MSRA: variants seen among roughly 807,000 people sequenced by gnomAD.
MSRA encodes the protein mitochondrial peptide methionine sulfoxide reductase.
Under a neutral mutation model 31.3 loss-of-function variants are expected in MSRA, and 54 were observed. That is an observed-to-expected ratio of 1.73 (90% CI 1.39 to 2.17). MSRA has a LOEUF of 2.17. Among genes scored for constraint, MSRA ranks in the 30% most tolerant of loss-of-function variants. The probability of loss-of-function intolerance (pLI) is 0.00; values close to 1 mark genes in which losing one functional copy is unlikely to be tolerated. For synonymous variants in MSRA, 169 were observed against 116.5 expected (o/e 1.45, Z -2.90); for missense variants, 507 against 300.9 (o/e 1.69, Z -5.07).
chr8:10,348,749 G>GT (rs1161867234), intron 5 of MSRA, among the ~76,000 whole-genome samples: 1 of 152,180 alleles, frequency 6.6e-6, no homozygotes, highest in East Asian at 1.9e-4. Flanking sequence ...AAACTCGGCA[G>GT]TTACACGTCA....
intron 1 of MSRA, among the ~76,000 whole-genome samples, chr8:10,106,944 C>T (rs1013299154): frequency 3.3e-5 from 5 of 152,072 alleles, no homozygotes; most frequent in South Asian, 2.1e-4. Flanking sequence ...TCCACCTTCC[C>T]ACCCACCTAC....
chr8:10,354,587 C>T (rs1199288093), intron 5 of MSRA, among the ~76,000 whole-genome samples: 1 of 152,012 alleles, frequency 6.6e-6, no homozygotes, highest in East Asian at 1.9e-4. Flanking sequence ...ACAATAGAAT[C>T]AGTATATTCG....
At chr8:10,294,035 C>G (rs113778831) in intron 3 of MSRA, among the ~76,000 whole-genome samples, 60 of 152,264 alleles carry the variant, frequency 3.9e-4, no homozygotes, top group African/African-American at 1.4e-3. Context: ...GAAACCCCAT[C>G]TCTACTAAAA....
chr8:10,185,108 C>G (rs896882177), intron 1 of MSRA, among the ~76,000 whole-genome samples: 1 of 152,200 alleles, frequency 6.6e-6, no homozygotes, highest in South Asian at 2.1e-4. Flanking sequence ...TGAAGGGCTG[C>G]TGCTCCTTTT....
intron 1 of MSRA, among the ~76,000 whole-genome samples, chr8:10,187,916 G>C (rs1017194943): frequency 6.6e-6 from 1 of 152,144 alleles, no homozygotes; most frequent in African/African-American, 2.4e-5. Flanking sequence ...TTAATGAACA[G>C]GTTCCTGCCT....
chr8:10,388,389 A>G (rs753848551), intron 5 of MSRA, among the ~76,000 whole-genome samples: 43 of 152,216 alleles, frequency 2.8e-4, no homozygotes, highest in African/African-American at 6.3e-4. Context: ...TTCTCTGTAG[A>G]TGTAAAATTT....
At chr8:10,426,295 G>A (rs1809158548) in intron 5 of MSRA, among the ~76,000 whole-genome samples, 2 of 152,236 alleles carry the variant, frequency 1.3e-5, no homozygotes, top group Admixed American at 1.3e-4. Flanking sequence ...CGTCAAGCTG[G>A]ATGGATTCTA....
intron 5 of MSRA, among the ~76,000 whole-genome samples, chr8:10,406,862 T>G (rs1270970578): frequency 2.0e-5 from 3 of 152,178 alleles, no homozygotes; most frequent in Non-Finnish European, 4.4e-5. Flanking sequence ...GACGTGATCT[T>G]CTCTTTTTTG....
chr8:10,274,155 G>T (rs1217084409), intron 3 of MSRA, among the ~76,000 whole-genome samples: 1 of 152,206 alleles, frequency 6.6e-6, no homozygotes, highest in African/African-American at 2.4e-5. Flanking sequence ...AGAAGGGTAG[G>T]TTTGGAGCAG....
chr8:10,173,868 C>T (rs1805812278), intron 1 of MSRA, among the ~76,000 whole-genome samples: 1 of 152,196 alleles, frequency 6.6e-6, no homozygotes. Context: ...TTGTCTGCTG[C>T]ATAAAGACAC....
At chr8:10,352,562 G>A (rs1344060736) in intron 5 of MSRA, among the ~76,000 whole-genome samples, 1 of 152,076 alleles carries the variant, frequency 6.6e-6, no homozygotes, top group Non-Finnish European at 1.5e-5. Flanking sequence ...GATTGCAGCT[G>A]CAATTTGCTG....
chr8:10,413,175 AG>A lies in MSRA; in HGVS notation c.544-14972del, dbSNP rs536472337. Reference sequence around the variant, plus strand: ...GCCATGAGGCCCTGCACAAGGGAAGAGAAGAAGAGAAGGCCGAGTGGAGAAC... The same window carrying A: ...GCCATGAGGCCCTGCACAAGGGAAGAAAGAAGAGAAGGCCGAGTGGAGAAC... On this transcript the variant is annotated intron_variant, in intron 5 of 5. Coordinates refer to ENST00000317173, the MANE Select transcript of MSRA (RefSeq NM_012331.5). Among the ~76,000 whole-genome samples the A allele has an allele frequency of 2.0e-5, 3 of 152,312 alleles. No individual in the cohort carries two copies. In the South Asian group the frequency reaches 6.2e-4, roughly 32 times the overall value.
At chr8:10,186,575 C>T (rs1416428454) in intron 1 of MSRA, among the ~76,000 whole-genome samples, 1 of 152,154 alleles carries the variant, frequency 6.6e-6, no homozygotes, top group African/African-American at 2.4e-5. Context: ...TTGCCAATCC[C>T]CTGTTCTATA....
rs1157926732 is a variant in MSRA at position 10,124,282 on chromosome 8, C to A, written c.142+69624C>A. Among the ~76,000 whole-genome samples, 5 of 152,080 alleles carry A rather than the reference C, an allele frequency of 3.3e-5. No individual in the cohort carries two copies. The East Asian group carries it at 9.6e-4, about 29-fold the overall frequency. Reference sequence around the variant, plus strand: ...ATGGTGACAGCTCCAAGAAGATTGGCAGGCGAGAGAGAGGCTGAGGAGTGA... The same window carrying A: ...ATGGTGACAGCTCCAAGAAGATTGGAAGGCGAGAGAGAGGCTGAGGAGTGA... On this transcript the variant is annotated intron_variant, in intron 1 of 5. Coordinates refer to ENST00000317173, the MANE Select transcript of MSRA (RefSeq NM_012331.5).
chr8:10,303,022 G>A (rs769977401), intron 4 of MSRA, among the ~76,000 whole-genome samples: 1 of 152,192 alleles, frequency 6.6e-6, no homozygotes, highest in African/African-American at 2.4e-5. Flanking sequence ...ACAGCCAGTC[G>A]CTCCTTCTGG....
At chr8:10,419,336 C>G (rs1173704395) in intron 5 of MSRA, among the ~76,000 whole-genome samples, 2 of 151,454 alleles carry the variant, frequency 1.3e-5, no homozygotes, top group African/African-American at 4.8e-5. Context: ...GGACCTACCC[C>G]TCACCCTTGT....
intron 3 of MSRA, among the ~76,000 whole-genome samples, chr8:10,264,933 C>T (rs1275063271): frequency 6.6e-6 from 1 of 152,120 alleles, no homozygotes; most frequent in African/African-American, 2.4e-5. Flanking sequence ...AAGCTTGAAA[C>T]CCATCTCTCA....
chr8:10,276,998 G>A lies in MSRA; in HGVS notation c.332-24536G>A, dbSNP rs145410508. ...TTTTTTTCTCTGTGTAATTGAATGT[G>A]TATTACCATTAAGATAATTATAAAT... On this transcript the variant is annotated intron_variant, in intron 3 of 5. Transcript: ENST00000317173. Among the ~76,000 whole-genome samples the A allele has an allele frequency of 2.9e-4, 44 of 152,154 alleles. No homozygotes were observed. In the East Asian group the frequency reaches 8.5e-3, roughly 29 times the overall value.
intron 1 of MSRA, among the ~76,000 whole-genome samples, chr8:10,087,682 A>G (rs1798637865): frequency 6.6e-6 from 1 of 152,344 alleles, no homozygotes; most frequent in Non-Finnish European, 1.5e-5. Flanking sequence ...GTTCAATGTC[A>G]GATGACAATA....
Sources: gnomAD v4.1 joint callset for allele counts (sites outside exome capture counted in the v4.1 genomes callset) on GRCh38, gnomAD v4.1.1 for gene constraint, MANE v1.5 for transcripts, NCBI Gene and HGNC (gene_info 2026-07-23, HGNC 2026-07-21) for gene names.